ZNF618: variants seen among roughly 807,000 people sequenced by gnomAD.
ZNF618 encodes the protein neural precursor cell expressed, developmentally down-regulated 10.
A neutral mutation model predicts 103.0 loss-of-function variants in ZNF618; 34 were observed. The observed-to-expected ratio is 0.33, with a 90% CI of 0.25 to 0.44. The LOEUF is 0.44. Ranked by LOEUF, ZNF618 falls within the 20% of genes least tolerant of loss-of-function variation. The pLI, the probability that ZNF618 is intolerant of heterozygous loss-of-function variation, is 1.00. For synonymous variants in ZNF618, 551 were observed against 542.2 expected, an observed-to-expected ratio of 1.02 and a Z score of -0.23; for missense variants, 1,059 against 1,295.4, an observed-to-expected ratio of 0.82 and a Z score of 2.80.
chr9:113,883,688 T>A (rs1211389035), intron 1 of ZNF618, among the ~76,000 whole-genome samples: 4 of 152,338 alleles, frequency 2.6e-5, no homozygotes, highest in Middle Eastern at 6.8e-3. Context: ...TTTAACACTT[T>A]GTGGCCAATT....
intron 1 of ZNF618, among the ~76,000 whole-genome samples, chr9:113,892,176 G>A (rs115393506): frequency 1.1e-4 from 17 of 152,264 alleles, no homozygotes; most frequent in African/African-American, 3.6e-4. Context: ...CTTAGTATCC[G>A]TGGGGGATTG....
At chr9:113,877,852 C>T (rs1169428091) in intron 1 of ZNF618, among the ~76,000 whole-genome samples, 3 of 151,736 alleles carry the variant, frequency 2.0e-5, no homozygotes, top group African/African-American at 4.8e-5. Context: ...TAGGAGAGAC[C>T]GCCATTAAAA....
At chr9:114,047,153 G>A (rs1326024967) in intron 13 of ZNF618, among the ~76,000 whole-genome samples, 4 of 152,198 alleles carry the variant, frequency 2.6e-5, no homozygotes, top group Non-Finnish European at 2.9e-5. Context: ...ATGCATCCAG[G>A]AGAATAGGCA....
chr9:114,014,351 C>T (rs1481543652), intron 9 of ZNF618, among the ~76,000 whole-genome samples: 3 of 152,208 alleles, frequency 2.0e-5, no homozygotes, highest in Non-Finnish European at 2.9e-5. Context: ...CTTCTCTTTC[C>T]TACTTCCAGA....
At chr9:113,911,311 CT>C (rs1393054028) in intron 1 of ZNF618, among the ~76,000 whole-genome samples, 3 of 152,102 alleles carry the variant, frequency 2.0e-5, no homozygotes, top group East Asian at 1.9e-4. Context: ...ACATTTTGAG[CT>C]TTTTTCCAAG....
rs1182071299 is a variant in ZNF618 at position 113,902,656 on chromosome 9, C to G, written c.33+26243C>G. ...TGTGCCTCTGCTCTGTTTTTGAGATCTGTCCACATTACTTCCAGCTGCTTG... is the reference window on the plus strand; with the variant it reads ...TGTGCCTCTGCTCTGTTTTTGAGATGTGTCCACATTACTTCCAGCTGCTTG... On this transcript the variant is annotated intron_variant, in intron 1 of 14. Transcript: ENST00000374126. Among the ~76,000 whole-genome samples the G allele has an allele frequency of 3.3e-5, 5 of 152,226 alleles. No homozygotes were observed. In the South Asian group the frequency reaches 6.2e-4, roughly 19 times the overall value.
chr9:113,947,072 C>A (rs942034177), intron 1 of ZNF618, among the ~76,000 whole-genome samples: 1 of 152,170 alleles, frequency 6.6e-6, no homozygotes, highest in Non-Finnish European at 1.5e-5. Flanking sequence ...TTATCCAGCA[C>A]CACCATTGAC....
chr9:113,969,911 A>G (rs923294744), intron 2 of ZNF618, among the ~76,000 whole-genome samples: 3 of 152,182 alleles, frequency 2.0e-5, no homozygotes, highest in Admixed American at 1.3e-4. Flanking sequence ...GAACACATAC[A>G]TAAAATCTAG....
chr9:113,974,704 G>T (rs1838322737), intron 2 of ZNF618, among the ~76,000 whole-genome samples: 1 of 152,084 alleles, frequency 6.6e-6, no homozygotes, highest in Non-Finnish European at 1.5e-5. Flanking sequence ...GAGTGGAGCA[G>T]CTGTACTCCT....
chr9:113,886,692 C>A (rs1026575602), intron 1 of ZNF618, among the ~76,000 whole-genome samples: 1 of 151,870 alleles, frequency 6.6e-6, no homozygotes, highest in Non-Finnish European at 1.5e-5. Context: ...TGTTGTGAGG[C>A]CTGCCTTTGT....
intron 4 of ZNF618, among the ~76,000 whole-genome samples, chr9:114,000,295 C>A (rs930642472): frequency 6.6e-6 from 1 of 152,010 alleles, no homozygotes; most frequent in African/African-American, 2.4e-5. Flanking sequence ...TCCGGTTTTG[C>A]AGGTGGGGAA....
At chr9:114,038,142 T>G (rs1250490696) in intron 13 of ZNF618, among the ~76,000 whole-genome samples, 1 of 152,226 alleles carries the variant, frequency 6.6e-6, no homozygotes, top group Non-Finnish European at 1.5e-5. Context: ...TGGGAACCAC[T>G]GCCTGAACAT....
intron 1 of ZNF618, among the ~76,000 whole-genome samples, chr9:113,917,418 T>G (rs536713879): frequency 8.1e-4 from 123 of 151,840 alleles, no homozygotes; most frequent in African/African-American, 2.9e-3. Flanking sequence ...GTCTATTTTT[T>G]TTTTTTTAAA....
At chr9:113,988,849 G>A (rs184725609) in intron 3 of ZNF618, among the ~76,000 whole-genome samples, 308 of 152,294 alleles carry the variant, frequency 2.0e-3, no homozygotes, top group African/African-American at 6.8e-3. Context: ...GGAACCTTCC[G>A]GGGGCCCAGT....
At chr9:113,969,194 C>T (rs1837718851) in intron 2 of ZNF618, 34 bp downstream of exon 2, 1 of 1,613,672 alleles carries the variant, frequency 6.2e-7, no homozygotes, top group Non-Finnish European at 8.5e-7. Flanking sequence ...GCTTGTCCAC[C>T]CATCGACTCA....
At chr9:113,921,527 C>T (rs1452036176) in intron 1 of ZNF618, among the ~76,000 whole-genome samples, 1 of 152,210 alleles carries the variant, frequency 6.6e-6, no homozygotes, top group African/African-American at 2.4e-5. Flanking sequence ...TCTGGTTTTC[C>T]AGAGTCTCGA....
chr9:114,035,009 A>G (rs555553575), intron 12 of ZNF618, among the ~76,000 whole-genome samples: 55 of 152,268 alleles, frequency 3.6e-4, no homozygotes, highest in African/African-American at 1.3e-3. Context: ...ATCCTCTGAA[A>G]GGCATGGCCT....
At chr9:114,017,027 T>C in intron 10 of ZNF618, 2 of 545,642 alleles carry the variant, frequency 3.7e-6, no homozygotes, top group Non-Finnish European at 3.2e-6. Context: ...CTCAGAGTCC[T>C]GTGCCCACAT....
intron 1 of ZNF618, among the ~76,000 whole-genome samples, chr9:113,907,556 C>G (rs1245287976): frequency 6.6e-6 from 1 of 152,202 alleles, no homozygotes. Context: ...ATCCAATAAT[C>G]AGAACCAAGA....
Sources: allele counts gnomAD v4.1 joint callset (sites outside exome capture counted in the v4.1 genomes callset), GRCh38; gene constraint gnomAD v4.1.1; transcripts MANE v1.5; gene names NCBI Gene and HGNC (gene_info 2026-07-23, HGNC 2026-07-21).